The following CDH13 variants were observed in gnomAD, a reference collection of about 807,000 sequenced individuals.
The protein encoded by CDH13 is cadherin-13.
A neutral mutation model predicts 63.8 loss-of-function variants in CDH13; 24 were observed. The ratio of observed to expected loss-of-function variants is 0.38; its 90% confidence interval spans 0.27 to 0.53. The LOEUF (loss-of-function observed/expected upper bound fraction) is 0.53, where lower values mean the gene tolerates loss of function less well. CDH13 is among the 20% of genes least tolerant of loss of function. CDH13 has a pLI of 0.85. For synonymous variants in CDH13, 503 were observed against 355.3 expected (o/e 1.42, Z -4.67); for missense variants, 1,049 against 903.1 (o/e 1.16, Z -2.07).
chr16:82,653,316 T>G (rs1193308949), intron 1 of CDH13, among the ~76,000 whole-genome samples: 2 of 152,154 alleles, frequency 1.3e-5, no homozygotes, highest in Non-Finnish European at 2.9e-5. Context: ...CTTTTTGTAG[T>G]GCCTTAGTGT....
At chr16:83,334,791 G>A (rs1338830987) in intron 5 of CDH13, among the ~76,000 whole-genome samples, 1 of 152,118 alleles carries the variant, frequency 6.6e-6, no homozygotes. Context: ...AGATTTATCA[G>A]TATGTCTTTG....
At chr16:83,186,086 TTTTA>T (rs2038511328) in intron 4 of CDH13, among the ~76,000 whole-genome samples, 1 of 22,924 alleles carries the variant, frequency 4.4e-5, no homozygotes, top group Non-Finnish European at 8.5e-5. Flanking sequence ...CATCTTTTTA[TTTTA>T]TTTTATTTTA....
intron 2 of CDH13, among the ~76,000 whole-genome samples, chr16:83,000,472 T>G (rs1252627180): frequency 6.6e-6 from 1 of 151,268 alleles, no homozygotes; most frequent in Non-Finnish European, 1.5e-5. Context: ...TTGGTCTCAC[T>G]ACTGACCTCA....
chr16:83,576,441 C>T (rs1037540959), intron 7 of CDH13, among the ~76,000 whole-genome samples: 1 of 152,210 alleles, frequency 6.6e-6, no homozygotes, highest in Non-Finnish European at 1.5e-5. Context: ...TTTCTACCTT[C>T]TGGCTAATGT....
intron 2 of CDH13, among the ~76,000 whole-genome samples, chr16:82,967,000 A>G (rs1907938163): frequency 6.6e-6 from 1 of 152,214 alleles, no homozygotes; most frequent in Non-Finnish European, 1.5e-5. Flanking sequence ...AGGATTTAAT[A>G]TTGCCTCAGA....
chr16:82,983,998 G>C (rs1487173339), intron 2 of CDH13, among the ~76,000 whole-genome samples: 3 of 152,182 alleles, frequency 2.0e-5, no homozygotes, highest in Non-Finnish European at 4.4e-5. Context: ...TTTCTGCCGT[G>C]GGTGGGAAGC....
intron 4 of CDH13, among the ~76,000 whole-genome samples, chr16:83,215,394 TAATTTTCTTTTGTATCC>T (rs958477795): frequency 4.6e-5 from 7 of 152,074 alleles, no homozygotes; most frequent in African/African-American, 1.4e-4. Context: ...AGTTTATTTT[TAATTTTCTTTTGTATCC>T]AATTTTCAGT....
At chr16:83,083,781 A>G (rs762082598) in intron 3 of CDH13, among the ~76,000 whole-genome samples, 3 of 152,184 alleles carry the variant, frequency 2.0e-5, no homozygotes, top group Admixed American at 6.5e-5. Context: ...CTAGTTGTTT[A>G]ACATACCTAA....
intron 1 of CDH13, among the ~76,000 whole-genome samples, chr16:82,632,652 C>T (rs1908151378): frequency 6.6e-6 from 1 of 152,198 alleles, no homozygotes; most frequent in Non-Finnish European, 1.5e-5. Flanking sequence ...AGTCCTCAAC[C>T]ATTTTGGTAC....
chr16:83,712,488 G>T (rs1010947665), intron 10 of CDH13, among the ~76,000 whole-genome samples: 1 of 152,190 alleles, frequency 6.6e-6, no homozygotes. Flanking sequence ...CTTTACAGAA[G>T]GAAATATCCC....
intron 5 of CDH13, among the ~76,000 whole-genome samples, chr16:83,222,440 C>G (rs1314447185): frequency 6.6e-6 from 1 of 152,148 alleles, no homozygotes; most frequent in Admixed American, 6.5e-5. Context: ...ATAGGTGTAT[C>G]ATAATGTCAG....
intron 4 of CDH13, chr16:83,171,617 T>G: frequency 6.9e-7 from 1 of 1,447,400 alleles, no homozygotes; most frequent in Non-Finnish European, 9.4e-7. Flanking sequence ...CTTCATTTCC[T>G]TGTTTGTGTC....
intron 7 of CDH13, among the ~76,000 whole-genome samples, chr16:83,544,794 T>G (rs2075355392): frequency 6.6e-6 from 1 of 152,214 alleles, no homozygotes; most frequent in Non-Finnish European, 1.5e-5. Flanking sequence ...TTTCCTCATC[T>G]GCAAAATGAG....
intron 8 of CDH13, among the ~76,000 whole-genome samples, chr16:83,615,038 G>T (rs753970543): frequency 6.6e-6 from 1 of 152,104 alleles, no homozygotes; most frequent in Non-Finnish European, 1.5e-5. Context: ...AACTCTTTGG[G>T]ATCTTTTCCT....
intron 1 of CDH13, among the ~76,000 whole-genome samples, chr16:82,745,539 G>A (rs1377521449): frequency 1.3e-5 from 2 of 152,146 alleles, no homozygotes; most frequent in African/African-American, 4.8e-5. Flanking sequence ...GGGAGGTGGA[G>A]GTTGCAGTGA....
intron 2 of CDH13, among the ~76,000 whole-genome samples, chr16:83,019,408 G>T (rs758333811): frequency 6.6e-6 from 1 of 151,802 alleles, no homozygotes; most frequent in African/African-American, 2.4e-5. Context: ...GTTATAACAC[G>T]CATGGAGCCA....
intron 4 of CDH13, among the ~76,000 whole-genome samples, chr16:83,155,421 G>T (rs1328806383): frequency 6.6e-6 from 1 of 152,150 alleles, no homozygotes; most frequent in African/African-American, 2.4e-5. Context: ...GGGCAGTGAA[G>T]GCCAAGGTCT....
intron 6 of CDH13, among the ~76,000 whole-genome samples, chr16:83,367,778 A>C (rs1371923244): frequency 1.3e-5 from 2 of 152,194 alleles, no homozygotes; most frequent in Non-Finnish European, 2.9e-5. Flanking sequence ...TTTCCATATA[A>C]ATTTTGAAAT....
intron 8 of CDH13, among the ~76,000 whole-genome samples, chr16:83,648,563 C>G (rs1243228820): frequency 1.3e-5 from 2 of 152,150 alleles, no homozygotes; most frequent in African/African-American, 4.8e-5. Flanking sequence ...GTGAGTTACA[C>G]TGGAGGCTTC....
Sources: gnomAD v4.1 joint callset for allele counts (sites outside exome capture counted in the v4.1 genomes callset) on GRCh38, gnomAD v4.1.1 for gene constraint, MANE v1.5 for transcripts, NCBI Gene and HGNC (gene_info 2026-07-23, HGNC 2026-07-21) for gene names.